The following MFSD6 variants were observed in gnomAD, a reference collection of about 807,000 sequenced individuals.
The protein encoded by MFSD6 is major facilitator superfamily domain-containing protein 6.
MFSD6 carries 26 observed loss-of-function variants against 56.3 expected under a neutral mutation model. That is an observed-to-expected ratio of 0.46 (90% CI 0.34 to 0.64). MFSD6 has a LOEUF of 0.64. Ranked by LOEUF, MFSD6 falls within the 30% of genes least tolerant of loss-of-function variation. The pLI, the probability that MFSD6 is intolerant of heterozygous loss-of-function variation, is 0.01. For missense variants in MFSD6, 750 were observed against 986.2 expected (o/e 0.76, Z 3.21); for synonymous variants, 331 against 366.9 (o/e 0.90, Z 1.12).
Position 190,434,018 on chromosome 2 carries a change from C to T in MFSD6, c.-53-1959C>T, listed in dbSNP as rs1284050572. 2.0e-5 allele frequency among the ~76,000 whole-genome samples: 3 copies of T among 151,516 alleles called. No individual in the cohort carries two copies. In the East Asian group the frequency reaches 5.8e-4, roughly 29 times the overall value. The stretch of plus-strand genomic sequence containing the variant: ...ACGGCCTGGGCAACATGGCAAAAAC[C>T]CCATCTCTACAAAAATTAGTTGGGC... On this transcript the variant is annotated intron_variant, in intron 2 of 7. Transcript: ENST00000392328. This position sits in a 1 kb window ranked among gnomAD's most constrained non-coding sequence, Gnocchi z 4.3.
Position 190,423,402 on chromosome 2 carries a change from T to G in MFSD6, c.-54+7989T>G, listed in dbSNP as rs556791738. ...TCATACAGTATGTAATGTTTTGAGA[T>G]AGGATTTTTTCATTCTATAATTATC... is the stretch of plus-strand genomic sequence containing the variant. On this transcript the variant is annotated intron_variant, in intron 2 of 7. Coordinates refer to ENST00000392328, the MANE Select transcript of MFSD6 (RefSeq NM_017694.4). This position sits in a 1 kb window ranked among gnomAD's most constrained non-coding sequence, Gnocchi z 4.3. Among the ~76,000 whole-genome samples, 88 of 152,368 alleles carry G rather than the reference T, an allele frequency of 5.8e-4. No individual in the cohort carries two copies. Among genetic ancestry groups the G allele is most frequent in the Non-Finnish European group, 1.0e-3 (70 of 68,032 alleles).
intron 4 of MFSD6, among the ~76,000 whole-genome samples, chr2:190,482,307 C>A (rs1347677424): frequency 6.6e-6 from 1 of 151,942 alleles, no homozygotes; most frequent in East Asian, 1.9e-4. Context: ...CCAATATAGA[C>A]TTTTTCTTTT....
chr2:190,490,301 C>G lies in MFSD6; in HGVS notation c.1891+435C>G, dbSNP rs1452977540. ...AACAATGGCCGGGTGCAGTGGCTCACGCCTGTAATCCCAACACTTTGGGAG... is the reference window on the plus strand; with the variant it reads ...AACAATGGCCGGGTGCAGTGGCTCAGGCCTGTAATCCCAACACTTTGGGAG... On this transcript the variant is annotated intron_variant, in intron 6 of 7. Transcript: ENST00000392328. The surrounding 1 kb of genome is among the most constrained non-coding windows in gnomAD (Gnocchi z 4.5). 6.6e-6 allele frequency among the ~76,000 whole-genome samples: 1 copy of G among 151,484 alleles called. No individual in the cohort carries two copies. The highest frequency in any genetic ancestry group is 1.5e-5 in the Non-Finnish European group (1 of 67,928).
chr2:190,483,399 C>A (rs1688812890), intron 4 of MFSD6, among the ~76,000 whole-genome samples: 1 of 152,182 alleles, frequency 6.6e-6, no homozygotes, highest in Non-Finnish European at 1.5e-5. Context: ...TGACTCTGGA[C>A]AAGGCATCTA....
chr2:190,436,728 T>C lies in MFSD6; in HGVS notation c.699T>C (p.Ile233=), dbSNP rs1472042078. Reference sequence around the variant, plus strand: ...CTCTGCAGCCCCAGACAGGTGAAATTACTAACCGTATGATGGACTTGACTT... The same window carrying C: ...CTCTGCAGCCCCAGACAGGTGAAATCACTAACCGTATGATGGACTTGACTT... ...EPTLQPQTGE[I]TNRMMDLTLN... The change falls in exon 3 of 8, where the codon ATT becomes ATC. Residue 233 remains isoleucine, a synonymous_variant. Transcript: ENST00000392328. This position sits in a 1 kb window ranked among gnomAD's most constrained non-coding sequence, Gnocchi z 5.3. 6.2e-7 allele frequency: 1 copy of C among 1,614,190 alleles called. No homozygotes were observed. The highest frequency in any genetic ancestry group is 2.2e-5 in the East Asian group (1 of 44,888).
chr2:190,497,703 A>C lies in MFSD6; in HGVS notation c.2156A>C (p.Glu719Ala), dbSNP rs1304162491. 5 of 1,613,804 alleles carry C rather than the reference A, an allele frequency of 3.1e-6. No homozygotes were observed. Among genetic ancestry groups the C allele is most frequent in the Non-Finnish European group, 2.5e-6 (3 of 1,179,712 alleles). Reference sequence around the variant, plus strand: ...CTCACAAGAGACAACCGTGCTTCTGAGATACAGCCTTTACAGGTACAGTTC... The same window carrying C: ...CTCACAAGAGACAACCGTGCTTCTGCGATACAGCCTTTACAGGTACAGTTC... Reference protein sequence around the residue: ...MQLTRDNRASEIQPLQGTNEN... With the variant: ...MQLTRDNRASAIQPLQGTNEN... The change falls in exon 7 of 8, where the codon GAG (glutamate) becomes GCG (alanine). Residue 719 changes from glutamate to alanine, a missense_variant. Glu to Ala is a moderately radical substitution (Grantham distance 107, BLOSUM62 -1). This residue lies in a region of MFSD6 where 172 missense variants were observed against 203.9 expected (regional missense o/e 0.84). Coordinates refer to ENST00000392328, the MANE Select transcript of MFSD6 (RefSeq NM_017694.4). The surrounding 1 kb of genome is among the most constrained non-coding windows in gnomAD (Gnocchi z 5.2).
Position 190,487,742 on chromosome 2 carries a change from T to A in MFSD6, c.1631-915T>A, listed in dbSNP as rs950860098. On this transcript the variant is annotated intron_variant, in intron 4 of 7. Coordinates refer to ENST00000392328, the MANE Select transcript of MFSD6 (RefSeq NM_017694.4). This position sits in a 1 kb window ranked among gnomAD's most constrained non-coding sequence, Gnocchi z 5.5. ...GATTGCTATTTTAAAAAGATATATA[T>A]AAGTTCTGGCAAGGAGGTGGAGAAA... Among the ~76,000 whole-genome samples the A allele has an allele frequency of 5.4e-4, 82 of 152,286 alleles. No individual in the cohort carries two copies. Among genetic ancestry groups the A allele is most frequent in the African/African-American group, 1.9e-3 (80 of 41,546 alleles).
At chr2:190,476,617 T>G (rs1326041116) in intron 4 of MFSD6, among the ~76,000 whole-genome samples, 2 of 152,328 alleles carry the variant, frequency 1.3e-5, no homozygotes, top group African/African-American at 4.8e-5. Flanking sequence ...GACTGTAAAC[T>G]AATTCAACCA....
In MFSD6 at chr2:190,487,963, C is replaced by T. The variant is rs1252083753; in HGVS notation, c.1631-694C>T. 6.6e-6 allele frequency among the ~76,000 whole-genome samples: 1 copy of T among 152,092 alleles called. No homozygotes were observed. The highest frequency in any genetic ancestry group is 2.4e-5 in the African/African-American group (1 of 41,414). On this transcript the variant is annotated intron_variant, in intron 4 of 7. Transcript: ENST00000392328. This position sits in a 1 kb window ranked among gnomAD's most constrained non-coding sequence, Gnocchi z 5.5. ...GTTGCCAGGCTGGGGAGTGCAGTGG[C>T]GTGATCTTGGCTCACTGCAACCTCT...
intron 3 of MFSD6, among the ~76,000 whole-genome samples, chr2:190,442,145 A>C (rs1416081653): frequency 6.6e-6 from 1 of 152,218 alleles, no homozygotes; most frequent in Admixed American, 6.5e-5. Flanking sequence ...TACCACAATA[A>C]AAATGTTTTA....
Position 190,436,143 on chromosome 2 carries a change from T to A in MFSD6, c.114T>A (p.Asn38Lys). ...GISREPEPPS[N>K]ETPSSTETSA... is the part of the protein sequence containing the mutation. Reference sequence around the variant, plus strand: ...CCAGGGAACCAGAACCACCTTCGAATGAAACACCTTCCTCCACAGAAACAT... The same window carrying A: ...CCAGGGAACCAGAACCACCTTCGAAAGAAACACCTTCCTCCACAGAAACAT... Residue 38 changes from asparagine (N) to lysine (K), a missense_variant, in exon 3 of 8, where the codon AAT (asparagine) becomes AAA (lysine). By Grantham distance (94) the Asn-to-Lys change is moderately conservative. Transcript: ENST00000392328. The surrounding 1 kb of genome is among the most constrained non-coding windows in gnomAD (Gnocchi z 5.3). The A allele has an allele frequency of 1.2e-6, 2 of 1,614,228 alleles. No individual in the cohort carries two copies. The highest frequency in any genetic ancestry group is 1.1e-5 in the South Asian group (1 of 91,084).
intron 4 of MFSD6, among the ~76,000 whole-genome samples, chr2:190,481,833 C>T (rs1220105073): frequency 6.6e-6 from 1 of 151,928 alleles, no homozygotes; most frequent in Admixed American, 6.6e-5. Context: ...AAGATCCATG[C>T]TGCTGCTGCT....
At position 190,473,406 on chromosome 2, in the gene MFSD6, T is replaced by C. The variant is rs554479966; in HGVS notation, c.1630+3551T>C. 5.3e-5 allele frequency among the ~76,000 whole-genome samples: 8 copies of C among 151,494 alleles called. No individual in the cohort carries two copies. In the South Asian group the frequency reaches 1.7e-3, roughly 32 times the overall value. On this transcript the variant is annotated intron_variant, in intron 4 of 7. Coordinates refer to ENST00000392328, the MANE Select transcript of MFSD6 (RefSeq NM_017694.4). ...GATGGAGGAAGATCTACCAAGCAAA[T>C]GGAAAACAAAAAAAGGCAGGGGTTG... is the stretch of plus-strand genomic sequence containing the variant.
chr2:190,465,508 T>G lies in MFSD6; in HGVS notation c.1533-4250T>G. ...ACATCAGTAATCTTATGTATAATCTTATGTAAAAAAATTCTAGGACCCTGA... is the reference window on the plus strand; with the variant it reads ...ACATCAGTAATCTTATGTATAATCTGATGTAAAAAAATTCTAGGACCCTGA... On this transcript the variant is annotated intron_variant, in intron 3 of 7. Transcript: ENST00000392328. This position sits in a 1 kb window ranked among gnomAD's most constrained non-coding sequence, Gnocchi z 4.6. Among the ~76,000 whole-genome samples the G allele has an allele frequency of 6.6e-6, 1 of 152,186 alleles. No homozygotes were observed. The highest frequency in any genetic ancestry group is 1.9e-4 in the East Asian group (1 of 5,178).
rs1412746307 is a variant in MFSD6, at chr2:190,439,867, G to C, written c.1532+2306G>C. ...AGTCTGATAGCTAAAATGAGAATAT[G>C]TCCACATACTTAGGTAGAATGGATC... On this transcript the variant is annotated intron_variant, in intron 3 of 7. Coordinates refer to ENST00000392328, the MANE Select transcript of MFSD6 (RefSeq NM_017694.4). This position sits in a 1 kb window ranked among gnomAD's most constrained non-coding sequence, Gnocchi z 5.8. Among the ~76,000 whole-genome samples, 1 of 152,206 alleles carries C rather than the reference G, an allele frequency of 6.6e-6. No homozygotes were observed. Among genetic ancestry groups the C allele is most frequent in the Middle Eastern group, 3.2e-3 (1 of 316 alleles).
chr2:190,461,347 T>G lies in MFSD6; in HGVS notation c.1533-8411T>G, dbSNP rs1687318969. On this transcript the variant is annotated intron_variant, in intron 3 of 7. Coordinates refer to ENST00000392328, the MANE Select transcript of MFSD6 (RefSeq NM_017694.4). The surrounding 1 kb of genome is among the most constrained non-coding windows in gnomAD (Gnocchi z 5.5). The stretch of plus-strand genomic sequence containing the variant: ...TTAGTAAAGTCTCTCTCCCACCCCT[T>G]GGGCAGTCCCCCAATTCCTCTCCTT... Among the ~76,000 whole-genome samples, 1 of 152,214 alleles carries G rather than the reference T, an allele frequency of 6.6e-6. No individual in the cohort carries two copies. The highest frequency in any genetic ancestry group is 6.5e-5 in the Admixed American group (1 of 15,274).
At chr2:190,419,361 T>C (rs373320314) in intron 2 of MFSD6, among the ~76,000 whole-genome samples, 4 of 152,198 alleles carry the variant, frequency 2.6e-5, no homozygotes, top group African/African-American at 9.6e-5. Context: ...CCAAAGCCAT[T>C]GAGAATGTTG....
rs182573514 is a variant in MFSD6, at chr2:190,494,548, A to G, written c.1892-2891A>G. Among the ~76,000 whole-genome samples, 44 of 152,328 alleles carry G rather than the reference A, an allele frequency of 2.9e-4. No individual in the cohort carries two copies. The highest frequency in any genetic ancestry group is 9.9e-4 in the African/African-American group (41 of 41,572). On this transcript the variant is annotated intron_variant, in intron 6 of 7. Coordinates refer to ENST00000392328, the MANE Select transcript of MFSD6 (RefSeq NM_017694.4). The surrounding 1 kb of genome is among the most constrained non-coding windows in gnomAD (Gnocchi z 5.7). ...AAAACCAGGAAAGGACATAACAAAA[A>G]AAGAAAACTACAGACCAATATCCCT...
chr2:190,468,197 C>T (rs962498412), intron 3 of MFSD6, among the ~76,000 whole-genome samples: 3 of 152,130 alleles, frequency 2.0e-5, no homozygotes, highest in Admixed American at 6.5e-5. Flanking sequence ...TACTTTTCTC[C>T]TCCAAACACA....
Sources: allele counts gnomAD v4.1 joint callset (sites outside exome capture counted in the v4.1 genomes callset), GRCh38; gene constraint gnomAD v4.1.1; regional missense constraint gnomAD v4.1.1; non-coding constraint Gnocchi (gnomAD v3.1); transcripts MANE v1.5; gene names NCBI Gene and HGNC (gene_info 2026-07-23, HGNC 2026-07-21).